NTRK3: variants seen among roughly 807,000 people sequenced by gnomAD.
The protein encoded by NTRK3 is neurotrophic receptor tyrosine kinase 3.
In NTRK3, 24 loss-of-function variants were observed where a neutral mutation model predicts 91.7. The observed-to-expected ratio is 0.26, with a 90% CI of 0.19 to 0.37. The LOEUF is 0.37. Among genes scored for constraint, NTRK3 ranks in the 10% least tolerant of loss-of-function variants. NTRK3 has a pLI of 1.00. For missense variants in NTRK3, 880 were observed against 1,068.9 expected, an observed-to-expected ratio of 0.82 and a Z score of 2.46; for synonymous variants, 483 against 404.0, an observed-to-expected ratio of 1.20 and a Z score of -2.34.
intron 13 of NTRK3, among the ~76,000 whole-genome samples, chr15:88,070,945 A>C (rs2047043451): frequency 6.6e-6 from 1 of 152,242 alleles, no homozygotes; most frequent in Non-Finnish European, 1.5e-5. Flanking sequence ...TCTAGCAGAA[A>C]AACAGATAAA....
intron 14 of NTRK3, among the ~76,000 whole-genome samples, chr15:87,957,446 T>C (rs1394402218): frequency 6.6e-6 from 1 of 152,240 alleles, no homozygotes; most frequent in Non-Finnish European, 1.5e-5. Context: ...CCACTGCCCC[T>C]GGCTGTATAA....
At chr15:88,035,775 AC>A (rs199998161) in intron 13 of NTRK3, among the ~76,000 whole-genome samples, 22 of 152,126 alleles carry the variant, frequency 1.4e-4, no homozygotes, top group East Asian at 1.4e-3. Context: ...GACTTTCTAA[AC>A]AAAAAAAACT....
intron 13 of NTRK3, among the ~76,000 whole-genome samples, chr15:88,040,615 G>A (rs2079517380): frequency 6.6e-6 from 1 of 152,168 alleles, no homozygotes; most frequent in Admixed American, 6.5e-5. Flanking sequence ...GCAACTCTAT[G>A]ACTTACAGAT....
intron 13 of NTRK3, among the ~76,000 whole-genome samples, chr15:88,048,908 G>C (rs759354192): frequency 1.3e-5 from 2 of 152,174 alleles, no homozygotes; most frequent in Admixed American, 6.5e-5. Flanking sequence ...GTGCAATCGG[G>C]AAGGTGTCAC....
chr15:87,865,126 T>A (rs2064630046), exon 19 of NTRK3: 1 of 212,108 alleles, frequency 4.7e-6, no homozygotes, highest in South Asian at 1.9e-4. Context: ...ATTTGTGAAT[T>A]TTCTAGGATT....
intron 3 of NTRK3, among the ~76,000 whole-genome samples, chr15:88,218,015 G>A (rs906180970): frequency 2.6e-5 from 4 of 152,046 alleles, no homozygotes; most frequent in African/African-American, 9.7e-5. Context: ...CCGCCTCTGG[G>A]GGTCGCTGTC....
At chr15:88,250,769 T>C (rs1212474995) in intron 3 of NTRK3, among the ~76,000 whole-genome samples, 4 of 152,380 alleles carry the variant, frequency 2.6e-5, no homozygotes, top group South Asian at 4.1e-4. Flanking sequence ...CCAAGCTGTA[T>C]TGATCATGCA....
intron 5 of NTRK3, among the ~76,000 whole-genome samples, chr15:88,182,753 A>G (rs1258591172): frequency 6.6e-6 from 1 of 152,154 alleles, no homozygotes; most frequent in Non-Finnish European, 1.5e-5. Context: ...ATTAAATCCC[A>G]AAGTTTATCA....
rs1323763130 is a variant in NTRK3 at position 88,241,563 on chromosome 15, C to G, written c.248+14343G>C. On this transcript the variant is annotated intron_variant, in intron 3 of 18. Transcript: ENST00000394480. The surrounding 1 kb of genome is among the most constrained non-coding windows in gnomAD (Gnocchi z 4.3). ...TGGAAAGGAGGAGGGAGGGTGTGCC[C>G]TGGTCAGTCTCACCTAGGAGCAGGG... Among the ~76,000 whole-genome samples, 1 of 152,172 alleles carries G rather than the reference C, an allele frequency of 6.6e-6. No individual in the cohort carries two copies. Among genetic ancestry groups the G allele is most frequent in the African/African-American group, 2.4e-5 (1 of 41,448 alleles).
At chr15:87,892,241 C>T (rs1043950266) in intron 17 of NTRK3, among the ~76,000 whole-genome samples, 3 of 152,108 alleles carry the variant, frequency 2.0e-5, no homozygotes, top group Non-Finnish European at 4.4e-5. Context: ...GAAAATGAAT[C>T]TCTAATGATT....
chr15:88,142,801 A>C (rs2042514969), intron 6 of NTRK3, among the ~76,000 whole-genome samples: 2 of 152,248 alleles, frequency 1.3e-5, no homozygotes, highest in African/African-American at 2.4e-5. Context: ...TCCAAACCCT[A>C]GTATCTGTGA....
Position 87,875,519 on chromosome 15 carries a change from C to T in NTRK3, c.*1416G>A, listed in dbSNP as rs79808152. On this transcript the variant is annotated 3_prime_UTR_variant, in exon 19 of 19. Transcript: ENST00000394480. ...AAGATTCCAAGCCTGCAGCACTGGC[C>T]GCTCATTGGACATCTCCCAGAGAAG... The T allele has an allele frequency of 5.0e-3, 1,172 of 232,802 alleles. 19 individuals carry two copies. The highest frequency in any genetic ancestry group is 0.025 in the East Asian group (414 of 16,520). The allele number at this position is 232,802 out of a possible 1,614,324, so 14.4% of individuals were successfully genotyped here. A position where few individuals can be genotyped will look rare whatever the true frequency, so the allele number is the denominator to read the frequency against.
intron 5 of NTRK3, among the ~76,000 whole-genome samples, chr15:88,175,908 T>A (rs189618421): frequency 6.6e-6 from 1 of 152,116 alleles, no homozygotes; most frequent in East Asian, 1.9e-4. Flanking sequence ...ATAACCAAAT[T>A]AGTGATGAGG....
chr15:88,091,189 A>G (rs1352134161), intron 13 of NTRK3, among the ~76,000 whole-genome samples: 2 of 152,132 alleles, frequency 1.3e-5, no homozygotes, highest in Admixed American at 6.6e-5. Context: ...AAGGGGAAAA[A>G]GGTTAGACCT....
chr15:87,891,602 A>G (rs1374743535), intron 17 of NTRK3, among the ~76,000 whole-genome samples: 1 of 152,106 alleles, frequency 6.6e-6, no homozygotes. Flanking sequence ...CTTCATCCCT[A>G]TCTTAGATAA....
chr15:88,093,890 T>C (rs1195019413), intron 13 of NTRK3, among the ~76,000 whole-genome samples: 1 of 152,172 alleles, frequency 6.6e-6, no homozygotes, highest in Admixed American at 6.5e-5. Flanking sequence ...TTATCAATTA[T>C]TGACTGTCTC....
chr15:87,946,634 T>G (rs553996584), intron 14 of NTRK3, among the ~76,000 whole-genome samples: 72 of 152,148 alleles, frequency 4.7e-4, no homozygotes, highest in African/African-American at 1.5e-3. Flanking sequence ...CATCCTGCCC[T>G]CCCCTCTTCC....
chr15:88,102,437 G>A (rs561543694), intron 13 of NTRK3, among the ~76,000 whole-genome samples: 22 of 152,266 alleles, frequency 1.4e-4, no homozygotes, highest in African/African-American at 5.3e-4. Context: ...CTAGTGTTCA[G>A]TAGACACAAT....
chr15:88,249,922 C>T (rs1033171024), intron 3 of NTRK3, among the ~76,000 whole-genome samples: 2 of 152,178 alleles, frequency 1.3e-5, no homozygotes, highest in Non-Finnish European at 2.9e-5. Context: ...CTCAGCCGCC[C>T]TTTGCAAGTC....
Sources: gnomAD v4.1 joint callset for allele counts (sites outside exome capture counted in the v4.1 genomes callset) on GRCh38, gnomAD v4.1.1 for gene constraint, Gnocchi (gnomAD v3.1) non-coding constraint, MANE v1.5 for transcripts, NCBI Gene and HGNC (gene_info 2026-07-23, HGNC 2026-07-21) for gene names.